The following GRIK1 variants were observed in gnomAD, a reference collection of about 807,000 sequenced individuals.
GRIK1 encodes the protein glutamate ionotropic receptor kainate type subunit 1.
A neutral mutation model predicts 105.7 loss-of-function variants in GRIK1; 69 were observed. That is an observed-to-expected ratio of 0.65 (90% confidence interval 0.54 to 0.80). The LOEUF is 0.80. Ranked by LOEUF, GRIK1 falls within the 30% of genes least tolerant of loss-of-function variation. GRIK1 has a pLI of 0.00. For synonymous variants in GRIK1, 438 were observed against 431.3 expected (o/e 1.02, Z -0.19); for missense variants, 1,109 against 1,167.3 (o/e 0.95, Z 0.73).
chr21:29,937,119 C>T (rs1379133177), intron 1 of GRIK1, among the ~76,000 whole-genome samples: 1 of 152,176 alleles, frequency 6.6e-6, no homozygotes, highest in African/African-American at 2.4e-5. Context: ...TAAACTTTGG[C>T]TTAGTCCCCA....
At chr21:29,553,237 T>A in intron 16 of GRIK1, 1 of 1,000,592 alleles carries the variant, frequency 1.0e-6, no homozygotes, top group Non-Finnish European at 1.2e-6. Flanking sequence ...GTTGAAAGTC[T>A]GAATCTCCTT....
At chr21:29,866,850 T>C (rs1243691014) in intron 1 of GRIK1, among the ~76,000 whole-genome samples, 2 of 152,154 alleles carry the variant, frequency 1.3e-5, no homozygotes, top group African/African-American at 2.4e-5. Context: ...TCTAGGTATA[T>C]ATAGAGTAGA....
intron 1 of GRIK1, among the ~76,000 whole-genome samples, chr21:29,714,043 C>T (rs551308734): frequency 8.3e-4 from 127 of 152,110 alleles, no homozygotes; most frequent in African/African-American, 3.0e-3. Context: ...TTTCAATGGG[C>T]GAGAAGCAGT....
chr21:29,917,383 C>T (rs575457965), intron 1 of GRIK1, among the ~76,000 whole-genome samples: 12 of 152,074 alleles, frequency 7.9e-5, no homozygotes, highest in South Asian at 2.1e-4. Context: ...CATTTTACTA[C>T]GGCATTAGGG....
At chr21:29,704,765 C>T (rs895341504) in intron 1 of GRIK1, among the ~76,000 whole-genome samples, 4 of 152,204 alleles carry the variant, frequency 2.6e-5, no homozygotes, top group Non-Finnish European at 4.4e-5. Context: ...CCAACAATCA[C>T]GGCCCATTGT....
intron 4 of GRIK1, among the ~76,000 whole-genome samples, chr21:29,655,137 A>G (rs1046750121): frequency 6.6e-6 from 1 of 152,224 alleles, no homozygotes; most frequent in African/African-American, 2.4e-5. Flanking sequence ...GGCCAGGTGC[A>G]GTGGCACAAG....
At chr21:29,550,930 A>T (rs1447241801) in intron 16 of GRIK1, among the ~76,000 whole-genome samples, 1 of 152,248 alleles carries the variant, frequency 6.6e-6, no homozygotes, top group Non-Finnish European at 1.5e-5. Flanking sequence ...ACAAGTAAGA[A>T]AATTGAGGCT....
chr21:29,705,878 T>C (rs375972287), intron 1 of GRIK1, among the ~76,000 whole-genome samples: 151 of 150,952 alleles, frequency 1.0e-3, no homozygotes, highest in African/African-American at 3.3e-3. Context: ...CTTTTCTTTT[T>C]TTTTTTTTTT....
At chr21:29,720,271 T>G (rs910269629) in intron 1 of GRIK1, among the ~76,000 whole-genome samples, 1 of 152,240 alleles carries the variant, frequency 6.6e-6, no homozygotes, top group African/African-American at 2.4e-5. Flanking sequence ...AAATATGACT[T>G]ACTTTATTCT....
rs183118657 is a variant in GRIK1, at chr21:29,864,412, A to C, written c.118+74971T>G. 4.1e-3 allele frequency among the ~76,000 whole-genome samples: 624 copies of C among 152,184 alleles called. 4 individuals carry two copies. Among genetic ancestry groups the C allele is most frequent in the African/African-American group, 0.014 (598 of 41,544 alleles). ...ATTTTGACCTCTTAAATCAATACTC[A>C]AATCTTACCTTTAAAGTTCCATTTT... On this transcript the variant is annotated intron_variant, in intron 1 of 17. Transcript: ENST00000327783.
chr21:29,623,269 A>G (rs1436864408), intron 7 of GRIK1, among the ~76,000 whole-genome samples: 2 of 152,144 alleles, frequency 1.3e-5, no homozygotes, highest in Non-Finnish European at 2.9e-5. Flanking sequence ...CTTATTCACT[A>G]TCACAAGAAC....
chr21:29,684,891 T>C (rs1482481234), intron 3 of GRIK1, among the ~76,000 whole-genome samples: 1 of 152,236 alleles, frequency 6.6e-6, no homozygotes, highest in Non-Finnish European at 1.5e-5. Flanking sequence ...CCTCTATTAA[T>C]CATTCATCAT....
At chr21:29,764,943 T>C (rs2065620069) in intron 1 of GRIK1, among the ~76,000 whole-genome samples, 2 of 152,216 alleles carry the variant, frequency 1.3e-5, no homozygotes, top group South Asian at 4.1e-4. Flanking sequence ...CCCAGACTAT[T>C]TATAAAATGC....
At chr21:29,597,546 T>C (rs775048087) in intron 8 of GRIK1, 2 of 305,368 alleles carry the variant, frequency 6.5e-6, no homozygotes, top group South Asian at 3.1e-5. Context: ...ATAACAAGTA[T>C]TTTTTTTCTT....
chr21:29,666,339 G>A (rs944360625), intron 4 of GRIK1, among the ~76,000 whole-genome samples: 1 of 152,124 alleles, frequency 6.6e-6, no homozygotes, highest in Non-Finnish European at 1.5e-5. Context: ...GGAGGTGGAG[G>A]TTGCAGTGAG....
intron 4 of GRIK1, among the ~76,000 whole-genome samples, chr21:29,660,213 G>A (rs771479670): frequency 9.9e-5 from 15 of 152,230 alleles, no homozygotes; most frequent in Admixed American, 3.3e-4. Flanking sequence ...GTTGTTCTTG[G>A]CAATGATGAT....
At chr21:29,681,764 AT>A (rs1374373686) in intron 3 of GRIK1, among the ~76,000 whole-genome samples, 4 of 152,156 alleles carry the variant, frequency 2.6e-5, no homozygotes, top group Admixed American at 2.0e-4. Flanking sequence ...TATCTGTTTT[AT>A]TCACTAATGT....
chr21:29,766,070 C>T (rs1305935574), intron 1 of GRIK1, among the ~76,000 whole-genome samples: 13 of 152,132 alleles, frequency 8.5e-5, no homozygotes, highest in African/African-American at 1.7e-4. Flanking sequence ...AGGTTGGTCT[C>T]GATCTCCTGA....
At chr21:29,540,073 C>T (rs941789935) in intron 16 of GRIK1, among the ~76,000 whole-genome samples, 1 of 152,120 alleles carries the variant, frequency 6.6e-6, no homozygotes, top group Admixed American at 6.5e-5. Flanking sequence ...TGAAATCGCC[C>T]AAATGAATCT....
Sources: allele counts gnomAD v4.1 joint callset (sites outside exome capture counted in the v4.1 genomes callset), GRCh38; gene constraint gnomAD v4.1.1; transcripts MANE v1.5; gene names NCBI Gene and HGNC (gene_info 2026-07-23, HGNC 2026-07-21).